The following MEF2C variants were observed in gnomAD, a reference collection of about 807,000 sequenced individuals.
MEF2C encodes the protein myocyte-specific enhancer factor 2C.
Under a neutral mutation model 50.5 loss-of-function variants are expected in MEF2C, and 6 were observed. That is an observed-to-expected ratio of 0.12 (90% CI 0.07 to 0.23). The LOEUF is 0.23. Among genes scored for constraint, MEF2C ranks in the 10% least tolerant of loss-of-function variants. MEF2C has a pLI of 1.00. For missense variants in MEF2C, 276 were observed against 605.0 expected, an observed-to-expected ratio of 0.46 and a Z score of 5.70; for synonymous variants, 183 against 228.0, an observed-to-expected ratio of 0.80 and a Z score of 1.78.
intron 2 of MEF2C, among the ~76,000 whole-genome samples, chr5:88,810,128 C>A (rs1001132647): frequency 1.3e-5 from 2 of 152,030 alleles, no homozygotes; most frequent in Non-Finnish European, 2.9e-5. Context: ...ATTTTGAAGT[C>A]TGAATGTTTC....
At chr5:88,886,459 C>T (rs1581999066), upstream of MEF2C, among the ~76,000 whole-genome samples, 1 of 152,014 alleles carries the variant, frequency 6.6e-6, no homozygotes, top group Admixed American at 6.6e-5. Flanking sequence ...AAAATTTGTG[C>T]CTTACTAAGG....
intron 1 of MEF2C, among the ~76,000 whole-genome samples, chr5:88,897,483 C>T (rs902765312): frequency 9.9e-5 from 15 of 152,200 alleles, no homozygotes; most frequent in African/African-American, 3.1e-4. Context: ...TCTACACTCT[C>T]ATACGTTCCA....
chr5:88,783,708 C>G (rs565901088), intron 3 of MEF2C, among the ~76,000 whole-genome samples: 46 of 152,312 alleles, frequency 3.0e-4, no homozygotes, highest in African/African-American at 1.1e-3. Context: ...CTCAGGCAGT[C>G]TATCTCCAGA....
At position 88,823,805 on chromosome 5, in the gene MEF2C, C is replaced by G. The variant is rs753574675; in HGVS notation, c.-17G>C. The G allele has an allele frequency of 1.5e-5, 24 of 1,606,014 alleles. No individual in the cohort carries two copies. The highest frequency in any genetic ancestry group is 3.4e-5 in the Admixed American group (2 of 59,676). Reference sequence around the variant, plus strand: ...TCTCCCCATAGTCCCCGTTTTTCTTCTCTCTCTCGTCCCTGAAATTATGTA... The same window carrying G: ...TCTCCCCATAGTCCCCGTTTTTCTTGTCTCTCTCGTCCCTGAAATTATGTA... On this transcript the variant is annotated 5_prime_UTR_variant, in exon 2 of 11. Transcript: ENST00000504921.
At chr5:88,797,267 T>C (rs1007749328) in intron 3 of MEF2C, among the ~76,000 whole-genome samples, 9 of 152,094 alleles carry the variant, frequency 5.9e-5, no homozygotes, top group Admixed American at 5.2e-4. Flanking sequence ...TCTAAGTCTC[T>C]TTTTAGGTCT....
intron 1 of MEF2C, among the ~76,000 whole-genome samples, chr5:88,881,720 TAGTCGC>T (rs1348610240): frequency 8.7e-6 from 1 of 114,866 alleles, no homozygotes; most frequent in African/African-American, 4.3e-5. Flanking sequence ...GAAAGTAGGC[TAGTCGC>T]TTTTTTTTTT....
At chr5:88,812,893 T>C (rs1803501815) in intron 2 of MEF2C, among the ~76,000 whole-genome samples, 1 of 152,144 alleles carries the variant, frequency 6.6e-6, no homozygotes, top group Non-Finnish European at 1.5e-5. Flanking sequence ...ATGGACCCAG[T>C]CAACTGTTTA....
intron 3 of MEF2C, among the ~76,000 whole-genome samples, chr5:88,778,991 A>T (rs980691119): frequency 2.6e-5 from 4 of 152,336 alleles, no homozygotes; most frequent in African/African-American, 9.6e-5. Flanking sequence ...TTTTCTCTGG[A>T]GGTTTCCCAC....
At chr5:88,890,000 C>T (rs1834363408) in intron 1 of MEF2C, among the ~76,000 whole-genome samples, 1 of 152,198 alleles carries the variant, frequency 6.6e-6, no homozygotes, top group African/African-American at 2.4e-5. Context: ...AGGGGCTCTG[C>T]AGGTCTAGCC....
intron 3 of MEF2C, chr5:88,780,699 A>T (rs1310244970): frequency 5.6e-6 from 5 of 887,414 alleles, no homozygotes; most frequent in Non-Finnish European, 6.8e-6. Context: ...ATATCATCAC[A>T]CTAAGCATTG....
At chr5:88,784,459 C>A (rs1295156590) in intron 3 of MEF2C, among the ~76,000 whole-genome samples, 1 of 152,138 alleles carries the variant, frequency 6.6e-6, no homozygotes, top group Non-Finnish European at 1.5e-5. Context: ...ACTAAAATAA[C>A]TATATTATTT....
intron 2 of MEF2C, among the ~76,000 whole-genome samples, chr5:88,807,612 T>G (rs191746496): frequency 9.8e-5 from 15 of 152,328 alleles, no homozygotes; most frequent in Admixed American, 8.5e-4. Flanking sequence ...AAGGCTGTTG[T>G]GAGGATTGTA....
At position 88,736,977 on chromosome 5, in the gene MEF2C, C is replaced by A. The variant is rs533461232; in HGVS notation, c.638-5076G>T. ...GCCTTTCAGACAACTTCAGCCCACA[C>A]TGAATTCACTCCCCTCTGCTGCAAT... On this transcript the variant is annotated intron_variant, in intron 6 of 10. Transcript: ENST00000504921. The A allele has an allele frequency of 2.5e-4, 248 of 985,084 alleles. 1 individual carries two copies. In the South Asian group the frequency reaches 5.5e-3, roughly 22 times the overall value. The allele number at this position is 985,084 out of a possible 1,614,324, so 61.0% of individuals were successfully genotyped here. A position where few individuals can be genotyped will look rare whatever the true frequency, so the allele number is the denominator to read the frequency against.
rs564746684 is a variant in MEF2C at position 88,786,862 on chromosome 5, T to G, written c.258+17736A>C. ...CATCTGAAATCTACAGTAAGATTTT[T>G]CAGGTGCTCACAGTTGTAACTGCTT... is the stretch of plus-strand genomic sequence containing the variant. On this transcript the variant is annotated intron_variant, in intron 3 of 10. Coordinates refer to ENST00000504921, the MANE Select transcript of MEF2C (RefSeq NM_002397.5). Among the ~76,000 whole-genome samples, 6 of 152,366 alleles carry G rather than the reference T, an allele frequency of 3.9e-5. No individual in the cohort carries two copies. The East Asian group carries it at 7.7e-4, about 20-fold the overall frequency.
intron 1 of MEF2C, among the ~76,000 whole-genome samples, chr5:88,856,371 C>G (rs1823349409): frequency 6.6e-6 from 1 of 152,114 alleles, no homozygotes; most frequent in African/African-American, 2.4e-5. Context: ...CATAAAAGTT[C>G]AGAAAATTTG....
intron 3 of MEF2C, among the ~76,000 whole-genome samples, chr5:88,786,021 T>G (rs1369870550): frequency 1.3e-5 from 2 of 152,170 alleles, no homozygotes; most frequent in Non-Finnish European, 1.5e-5. Flanking sequence ...TCCATTTTCC[T>G]TGGCACGACT....
rs187320873 is a variant in MEF2C at position 88,877,055 on chromosome 5, C to T, written c.-143+5900G>A. On this transcript the variant is annotated intron_variant, in intron 1 of 10. Transcript: ENST00000504921. ...TTGCACTGTCATTCTACATGAATCC[C>T]AACCACTTGCAGGAGGAACAACATT... 3.0e-3 allele frequency among the ~76,000 whole-genome samples: 455 copies of T among 152,118 alleles called. 10 individuals are homozygous for T. The highest frequency in any genetic ancestry group is 0.027 in the Admixed American group (414 of 15,260).
intron 3 of MEF2C, among the ~76,000 whole-genome samples, chr5:88,790,234 T>C (rs1051147944): frequency 2.6e-5 from 4 of 152,230 alleles, no homozygotes; most frequent in Admixed American, 2.0e-4. Flanking sequence ...AGAACCTGTT[T>C]TATAGCATGA....
chr5:88,744,036 T>C, intron 6 of MEF2C: 1 of 974,064 alleles, frequency 1.0e-6, no homozygotes, highest in Non-Finnish European at 1.2e-6. Context: ...TTTCTCTTTT[T>C]TTGATCTCAA....
Sources: gnomAD v4.1 joint callset for allele counts (sites outside exome capture counted in the v4.1 genomes callset) on GRCh38, gnomAD v4.1.1 for gene constraint, MANE v1.5 for transcripts, NCBI Gene and HGNC (gene_info 2026-07-23, HGNC 2026-07-21) for gene names.